Variants in DIS3L observed in about 807,000 individuals in gnomAD.
The protein encoded by DIS3L is DIS3 like exosome 3'-5' exoribonuclease.
DIS3L carries 100 observed loss-of-function variants against 120.3 expected under a neutral mutation model. The ratio of observed to expected loss-of-function variants is 0.83; its 90% confidence interval spans 0.71 to 0.98. DIS3L has a LOEUF of 0.98. Among genes scored for constraint, DIS3L ranks in the 50% least tolerant of loss-of-function variants. DIS3L has a pLI of 0.00. For missense variants in DIS3L, 1,196 were observed against 1,314.2 expected, an observed-to-expected ratio of 0.91 and a Z score of 1.39; for synonymous variants, 426 against 470.6, an observed-to-expected ratio of 0.91 and a Z score of 1.23.
At chr15:66,304,828 G>A (rs1265446986) in intron 2 of DIS3L, among the ~76,000 whole-genome samples, 1 of 148,434 alleles carries the variant, frequency 6.7e-6, no homozygotes, top group African/African-American at 2.5e-5. Flanking sequence ...TTGAACGTGG[G>A]AGGCAGAGGT....
At chr15:66,330,326 T>A (rs1873659368) in intron 14 of DIS3L, 1 of 985,192 alleles carries the variant, frequency 1.0e-6, no homozygotes, top group Non-Finnish European at 1.2e-6. Context: ...TGCCTGCTGT[T>A]TGAATCTGCT....
chr15:66,299,941 C>T (rs2092629817), intron 2 of DIS3L, among the ~76,000 whole-genome samples: 1 of 152,030 alleles, frequency 6.6e-6, no homozygotes. Flanking sequence ...GTCCTAGCTA[C>T]TCGGGAGACT....
Position 66,333,218 on chromosome 15 carries a change from A to C in DIS3L, c.3071A>C (p.Glu1024Ala). Residue 1024 changes from glutamate to alanine, a missense_variant, in exon 17 of 17, where the codon GAA becomes GCA. By Grantham distance (107) the Glu-to-Ala change is moderately radical (BLOSUM62 -1). Transcript: ENST00000319212. The stretch of plus-strand genomic sequence containing the variant: ...AACATCATTCAGGAGGAATATCAAG[A>C]ATATCGCCAAACAAAGGGAAGGAGC... ...KVNIIQEEYQ[E>A]YRQTKGRSLY... 1 of 1,614,138 alleles carries C rather than the reference A, an allele frequency of 6.2e-7. No homozygotes were observed. The highest frequency in any genetic ancestry group is 8.5e-7 in the Non-Finnish European group (1 of 1,180,032).
chr15:66,304,953 C>T (rs2092687911), intron 2 of DIS3L, among the ~76,000 whole-genome samples: 1 of 146,958 alleles, frequency 6.8e-6, no homozygotes. Flanking sequence ...TGATTCTTTT[C>T]ACAGTGACTC....
Position 66,329,096 on chromosome 15 carries a change from C to T in DIS3L, c.2328C>T (p.Ser776=), listed in dbSNP as rs1050893411. Residue 776 remains serine, a synonymous_variant, in exon 13 of 17, where the codon TCC becomes TCT. Transcript: ENST00000319212. ...ATGCTCTGTACTTCTCCACCGGATC[C>T]TGTGCGGAGGAGGAGTTCCATCATT... ...MSNALYFSTG[S]CAEEEFHHYG... is the part of the protein sequence containing the mutation. The T allele has an allele frequency of 1.2e-6, 2 of 1,613,712 alleles. No individual in the cohort carries two copies. The highest frequency in any genetic ancestry group is 2.7e-5 in the African/African-American group (2 of 74,932).
chr15:66,321,197 C>T (rs1385765238), intron 9 of DIS3L, among the ~76,000 whole-genome samples: 2 of 152,122 alleles, frequency 1.3e-5, no homozygotes, highest in Non-Finnish European at 2.9e-5. Context: ...TTACAGAAAA[C>T]AAAAATCTCA....
intron 11 of DIS3L, among the ~76,000 whole-genome samples, chr15:66,325,031 G>C (rs966933681): frequency 5.9e-5 from 9 of 152,138 alleles, no homozygotes; most frequent in African/African-American, 2.2e-4. Flanking sequence ...TGTAGGATTT[G>C]CAAGACTTTG....
chr15:66,326,537 A>C (rs775467349), intron 12 of DIS3L, 173 bp downstream of exon 12: 2 of 738,122 alleles, frequency 2.7e-6, no homozygotes, highest in Non-Finnish European at 4.2e-6. Flanking sequence ...ATGTATAGAG[A>C]CTTAAAACAA....
At chr15:66,313,881 G>A (rs201302694) in intron 5 of DIS3L, among the ~76,000 whole-genome samples, 158 bp from the exon 6 acceptor site, 12 of 95,314 alleles carry the variant, frequency 1.3e-4, no homozygotes, top group South Asian at 3.3e-4. Flanking sequence ...ATATATATAT[G>A]TGTGTGTATA....
Position 66,294,761 on chromosome 15 carries a change from G to C in DIS3L, c.140-227G>C, listed in dbSNP as rs551501881. Among the ~76,000 whole-genome samples the C allele has an allele frequency of 2.6e-5, 4 of 152,192 alleles. No individual in the cohort carries two copies. The South Asian group carries it at 8.3e-4, about 32-fold the overall frequency. Reference sequence around the variant, plus strand: ...TCAGCCATCCTCTCCGGCACCTCTGGCAACACCATAAACCACGTTGAGCTT... The same window carrying C: ...TCAGCCATCCTCTCCGGCACCTCTGCCAACACCATAAACCACGTTGAGCTT... On this transcript the variant is annotated intron_variant, in intron 1 of 16. Transcript: ENST00000319212.
chr15:66,294,332 C>CT, intron 1 of DIS3L: 1 of 985,538 alleles, frequency 1.0e-6, no homozygotes, highest in Non-Finnish European at 1.2e-6. Context: ...TTCTAGGCCA[C>CT]AAGGGTGGCC....
chr15:66,316,520 C>G (rs749228649), intron 7 of DIS3L, among the ~76,000 whole-genome samples: 6 of 152,150 alleles, frequency 3.9e-5, no homozygotes, highest in Non-Finnish European at 7.3e-5. Context: ...AATGATCCTT[C>G]AGAAAGTGAG....
intron 1 of DIS3L, 191 bp downstream of exon 1, chr15:66,293,926 T>G (rs1234854541): frequency 1.0e-6 from 1 of 998,348 alleles, no homozygotes; most frequent in Non-Finnish European, 1.2e-6. Flanking sequence ...GGTCCGCGGC[T>G]TCTGGGGCGC....
At chr15:66,299,404 G>A (rs1048138173) in intron 2 of DIS3L, among the ~76,000 whole-genome samples, 5 of 152,226 alleles carry the variant, frequency 3.3e-5, no homozygotes, top group East Asian at 1.9e-4. Context: ...TTATCTGGGC[G>A]TGATGGTGGG....
chr15:66,326,682 T>G (rs566108686), intron 12 of DIS3L: 58 of 224,472 alleles, frequency 2.6e-4, no homozygotes, highest in African/African-American at 1.3e-3. Context: ...CAGGTTCAAG[T>G]GACTCTCCTG....
rs374740494 is a variant in DIS3L, at chr15:66,309,142, C to T, written c.558+298C>T. Among the ~76,000 whole-genome samples, 8 of 125,766 alleles carry T rather than the reference C, an allele frequency of 6.4e-5. No individual in the cohort carries two copies. In the South Asian group the frequency reaches 2.0e-3, roughly 32 times the overall value. The allele number at this position is 125,766 out of a possible 152,430, so 82.5% of individuals were successfully genotyped here. ...TGGCACGCACCTGTAGTCCCAGCTA[C>T]TCAAGAGGCTGAGATGGAAGAATCA... On this transcript the variant is annotated intron_variant, in intron 4 of 16. Transcript: ENST00000319212.
At position 66,304,014 on chromosome 15, in the gene DIS3L, C is replaced by T. The variant is rs186033310; in HGVS notation, c.294-2810C>T. Reference sequence around the variant, plus strand: ...CTGAGGCAGGAGAATGGCGTGAACCCGGGAGGTGGAGCTTGCAGTGAGCCG... The same window carrying T: ...CTGAGGCAGGAGAATGGCGTGAACCTGGGAGGTGGAGCTTGCAGTGAGCCG... On this transcript the variant is annotated intron_variant, in intron 2 of 16. Coordinates refer to ENST00000319212, the MANE Select transcript of DIS3L (RefSeq NM_001143688.3). 4.7e-3 allele frequency among the ~76,000 whole-genome samples: 695 copies of T among 147,624 alleles called. 4 individuals are homozygous for T. Among genetic ancestry groups the T allele is most frequent in the African/African-American group, 0.017 (678 of 39,676 alleles).
intron 7 of DIS3L, among the ~76,000 whole-genome samples, chr15:66,317,367 AAAG>A (rs1321513790): frequency 6.7e-6 from 1 of 149,138 alleles, no homozygotes; most frequent in Admixed American, 7.4e-5. Context: ...AAAAAAGAAA[AAAG>A]AGAACATTTT....
Position 66,295,073 on chromosome 15 carries a change from T to G in DIS3L, c.225T>G (p.Phe75Leu), listed in dbSNP as rs759126986. Reference protein sequence around the residue: ...VVQDYLEILEFPELKGIIFMQ... With the variant: ...VVQDYLEILELPELKGIIFMQ... ...AAGATTATCTTGAGATCCTTGAGTT[T>G]CCTGAGTTGAAGGGAATTATTTTCA... is the stretch of plus-strand genomic sequence containing the variant. The change falls in exon 2 of 17, where the codon TTT becomes TTG. Residue 75 changes from phenylalanine to leucine, a missense_variant. By Grantham distance (22) the Phe-to-Leu change is conservative. Coordinates refer to ENST00000319212, the MANE Select transcript of DIS3L (RefSeq NM_001143688.3). 6.2e-6 allele frequency: 10 copies of G among 1,614,048 alleles called. No homozygotes were observed. The Admixed American group carries it at 1.7e-4, about 27-fold the overall frequency.
Sources: gnomAD v4.1 joint callset for allele counts (sites outside exome capture counted in the v4.1 genomes callset) on GRCh38, gnomAD v4.1.1 for gene constraint, MANE v1.5 for transcripts, NCBI Gene and HGNC (gene_info 2026-07-23, HGNC 2026-07-21) for gene names.